The following ATF7 variants were observed in gnomAD, a reference collection of about 807,000 sequenced individuals.
ATF7 encodes cyclic AMP-dependent transcription factor ATF-7.
ATF7 carries 10 observed loss-of-function variants against 50.4 expected under a neutral mutation model. That is an observed-to-expected ratio of 0.20 (90% CI 0.12 to 0.34). The LOEUF is 0.34. ATF7 is among the 10% of genes least tolerant of loss of function. The pLI, the probability that ATF7 is intolerant of heterozygous loss-of-function variation, is 1.00. For synonymous variants in ATF7, 201 were observed against 226.4 expected, an observed-to-expected ratio of 0.89 and a Z score of 1.01; for missense variants, 465 against 613.9, an observed-to-expected ratio of 0.76 and a Z score of 2.56.
intron 1 of ATF7, among the ~76,000 whole-genome samples, chr12:53,612,193 C>A (rs902031741): frequency 6.6e-6 from 1 of 152,098 alleles, no homozygotes; most frequent in Admixed American, 6.5e-5. Context: ...CTAGGCTGGT[C>A]TCGAACTCCT....
chr12:53,547,822 T>G (rs1940047920), intron 3 of ATF7, among the ~76,000 whole-genome samples: 1 of 152,142 alleles, frequency 6.6e-6, no homozygotes, highest in African/African-American at 2.4e-5. Flanking sequence ...ATACAGGGTC[T>G]CACTCTGTTA....
intron 2 of ATF7, among the ~76,000 whole-genome samples, chr12:53,559,678 C>CA (rs34508161): frequency 0.47 from 39,426 of 84,740 alleles, 8,440 homozygotes; most frequent in East Asian, 0.74. Context: ...GACTCCATCT[C>CA]AAAAAAAAAA....
At chr12:53,598,458 T>C (rs1177855370) in intron 2 of ATF7, among the ~76,000 whole-genome samples, 2 of 152,214 alleles carry the variant, frequency 1.3e-5, no homozygotes, top group Admixed American at 1.3e-4. Context: ...TTTTAGAACC[T>C]AAGCCGGAGG....
At chr12:53,556,473 G>C (rs1940759604) in intron 2 of ATF7, among the ~76,000 whole-genome samples, 1 of 152,094 alleles carries the variant, frequency 6.6e-6, no homozygotes, top group Non-Finnish European at 1.5e-5. Context: ...GTTTACTGAA[G>C]CTTTCTGTCA....
At chr12:53,563,276 A>T (rs1031817430) in intron 2 of ATF7, among the ~76,000 whole-genome samples, 2 of 152,176 alleles carry the variant, frequency 1.3e-5, no homozygotes, top group African/African-American at 4.8e-5. Flanking sequence ...ATAATTATAC[A>T]TATAGAATTT....
chr12:53,550,729 T>C (rs1220773722), intron 3 of ATF7, among the ~76,000 whole-genome samples: 3 of 152,180 alleles, frequency 2.0e-5, no homozygotes, highest in Non-Finnish European at 2.9e-5. Flanking sequence ...ACATAAGGGG[T>C]TGGGATACAT....
chr12:53,573,144 T>C (rs759693033), intron 2 of ATF7, among the ~76,000 whole-genome samples: 1 of 152,134 alleles, frequency 6.6e-6, no homozygotes, highest in African/African-American at 2.4e-5. Flanking sequence ...GAGAACACAT[T>C]TATATAACTT....
At position 53,524,091 on chromosome 12, in the gene ATF7, A is replaced by G. The variant is rs1349694397; in HGVS notation, c.1125+473T>C. ...TATATTTTATAATAGAAATGTATTT[A>G]TATATTGCTTTTTAAATTTAATATT... On this transcript the variant is annotated intron_variant, in intron 10 of 11. Transcript: ENST00000420353. This position sits in a 1 kb window ranked among gnomAD's most constrained non-coding sequence, Gnocchi z 4.6. 1.3e-5 allele frequency among the ~76,000 whole-genome samples: 2 copies of G among 152,242 alleles called. No individual in the cohort carries two copies. The highest frequency in any genetic ancestry group is 4.8e-5 in the African/African-American group (2 of 41,464).
chr12:53,611,213 G>C (rs539402702), intron 1 of ATF7, among the ~76,000 whole-genome samples: 36 of 152,270 alleles, frequency 2.4e-4, no homozygotes, highest in Non-Finnish European at 4.3e-4. Context: ...GCTCACACCT[G>C]TAATCCCGGC....
intron 1 of ATF7, among the ~76,000 whole-genome samples, chr12:53,607,841 C>A (rs1943676988): frequency 6.6e-6 from 1 of 152,040 alleles, no homozygotes; most frequent in South Asian, 2.1e-4. Flanking sequence ...AAAGTCTCTA[C>A]AATAATCACA....
intron 4 of ATF7, among the ~76,000 whole-genome samples, chr12:53,542,104 C>T (rs1353357590): frequency 3.5e-5 from 3 of 84,746 alleles, no homozygotes; most frequent in Non-Finnish European, 7.2e-5. Context: ...CTGCGCCTGG[C>T]CTGTTTTTTT....
intron 3 of ATF7, among the ~76,000 whole-genome samples, chr12:53,550,058 C>A (rs1247231254): frequency 6.6e-6 from 1 of 152,072 alleles, no homozygotes; most frequent in Non-Finnish European, 1.5e-5. Flanking sequence ...GGGGGCGGCT[C>A]ACGCCTGTAA....
downstream of ATF7, among the ~76,000 whole-genome samples, chr12:53,510,592 T>G (rs895537029): frequency 2.6e-5 from 4 of 152,224 alleles, no homozygotes; most frequent in African/African-American, 9.6e-5. Flanking sequence ...ATGAAGTGAC[T>G]ACTCCTGTTA....
chr12:53,624,526 A>T (rs926573406), intron 1 of ATF7, among the ~76,000 whole-genome samples: 3 of 152,250 alleles, frequency 2.0e-5, no homozygotes, highest in African/African-American at 7.2e-5. Context: ...CAAAGGGCAA[A>T]GCCCTGTCCC....
intron 1 of ATF7, among the ~76,000 whole-genome samples, chr12:53,607,661 CAG>C (rs939791168): frequency 3.3e-4 from 50 of 150,946 alleles, no homozygotes; most frequent in African/African-American, 9.5e-4. Flanking sequence ...GAAAAAAAAA[CAG>C]AATATAAAAT....
chr12:53,616,287 A>G (rs1345388480), intron 1 of ATF7, among the ~76,000 whole-genome samples: 1 of 152,108 alleles, frequency 6.6e-6, no homozygotes, highest in Non-Finnish European at 1.5e-5. Flanking sequence ...CAGTGGCGTG[A>G]TGTCAGCTCA....
At position 53,552,524 on chromosome 12, in the gene ATF7, T is replaced by G; in HGVS notation, c.145+17A>C. 6.2e-7 allele frequency: 1 copy of G among 1,605,168 alleles called. No homozygotes were observed. Among genetic ancestry groups the G allele is most frequent in the Non-Finnish European group, 8.5e-7 (1 of 1,172,036 alleles). On this transcript the variant is annotated intron_variant, in intron 3 of 11. Coordinates refer to ENST00000420353, the MANE Select transcript of ATF7 (RefSeq NM_006856.3). Reference sequence around the variant, plus strand: ...CCTGGTGGTATCAAGGCACGTGGCTTTTGGGGCAGCAAATACCTGCAATGA... The same window carrying G: ...CCTGGTGGTATCAAGGCACGTGGCTGTTGGGGCAGCAAATACCTGCAATGA...
chr12:53,517,407 G>C (rs1937776672), intron 11 of ATF7, 53 bp from the exon 12 acceptor site: 1 of 1,519,776 alleles, frequency 6.6e-7, no homozygotes, highest in Middle Eastern at 1.8e-4. Flanking sequence ...AAACAGAATG[G>C]GGAAAGAGGC....
chr12:53,597,386 G>A (rs1205949639), intron 2 of ATF7, among the ~76,000 whole-genome samples: 2 of 152,162 alleles, frequency 1.3e-5, no homozygotes, highest in Non-Finnish European at 2.9e-5. Flanking sequence ...TATTCTGGGT[G>A]AATTTTCCTT....
Sources: allele counts gnomAD v4.1 joint callset (sites outside exome capture counted in the v4.1 genomes callset), GRCh38; gene constraint gnomAD v4.1.1; non-coding constraint Gnocchi (gnomAD v3.1); transcripts MANE v1.5; gene names NCBI Gene and HGNC (gene_info 2026-07-23, HGNC 2026-07-21).